PPP1R9A: variants seen among roughly 807,000 people sequenced by gnomAD.
The protein encoded by PPP1R9A is neurabin-1.
Under a neutral mutation model 141.9 loss-of-function variants are expected in PPP1R9A, and 59 were observed. The observed-to-expected ratio is 0.42, with a 90% CI of 0.34 to 0.52. PPP1R9A has a LOEUF of 0.52. Among genes scored for constraint, PPP1R9A ranks in the 20% least tolerant of loss-of-function variants. The pLI is 0.10. For synonymous variants in PPP1R9A, 500 were observed against 569.7 expected (o/e 0.88, Z 1.74); for missense variants, 1,444 against 1,611.9 (o/e 0.90, Z 1.78).
intron 5 of PPP1R9A, among the ~76,000 whole-genome samples, chr7:95,169,890 G>C (rs1422902253): frequency 2.0e-5 from 3 of 151,764 alleles, no homozygotes; most frequent in Admixed American, 6.6e-5. Context: ...GAAAATATGA[G>C]CCACAATCAG....
At chr7:95,004,125 A>C (rs556420135) in intron 2 of PPP1R9A, among the ~76,000 whole-genome samples, 3 of 152,116 alleles carry the variant, frequency 2.0e-5, no homozygotes, top group Admixed American at 2.0e-4. Flanking sequence ...AAAGTTGAGC[A>C]TCTCCTGCTT....
chr7:94,982,607 G>A (rs2151338095), intron 2 of PPP1R9A, among the ~76,000 whole-genome samples: 2 of 152,288 alleles, frequency 1.3e-5, no homozygotes, highest in Admixed American at 1.3e-4. Context: ...GTGTCTGTTG[G>A]CTGCATAAAT....
Position 95,250,007 on chromosome 7 carries a change from T to C in PPP1R9A, c.2167-19T>C. ...AAAAGTGGCCAAATTATCTTTGCCT[T>C]GACGTTTGCTTTCTCCAGCTGCAGG... On this transcript the variant is annotated intron_variant, in intron 9 of 19. Transcript: ENST00000433360. 6.4e-7 allele frequency: 1 copy of C among 1,566,784 alleles called. No individual in the cohort carries two copies. The highest frequency in any genetic ancestry group is 1.2e-5 in the South Asian group (1 of 82,492).
intron 4 of PPP1R9A, among the ~76,000 whole-genome samples, chr7:95,159,617 G>C (rs1196706312): frequency 6.6e-6 from 1 of 151,992 alleles, no homozygotes; most frequent in Non-Finnish European, 1.5e-5. Context: ...TCTGTAATGT[G>C]CTTCTTTAGA....
intron 2 of PPP1R9A, among the ~76,000 whole-genome samples, chr7:94,939,589 T>C (rs564770677): frequency 6.6e-6 from 1 of 152,158 alleles, no homozygotes; most frequent in South Asian, 2.1e-4. Context: ...TATAGTGCTT[T>C]AGTCAGCAAA....
In PPP1R9A at chr7:95,133,096, A is replaced by G. The variant is rs1371371192; in HGVS notation, c.1649+12264A>G. Among the ~76,000 whole-genome samples the G allele has an allele frequency of 2.0e-5, 3 of 152,178 alleles. No homozygotes were observed. The East Asian group carries it at 5.8e-4, about 29-fold the overall frequency. On this transcript the variant is annotated intron_variant, in intron 4 of 19. Transcript: ENST00000433360. ...GAGCGACAGAAGGAGATCTCTCAGC[A>G]GAGAAGGGACCCAAGAGCAGGTAGC...
At chr7:95,052,039 C>T (rs1034909096) in intron 2 of PPP1R9A, among the ~76,000 whole-genome samples, 8 of 151,806 alleles carry the variant, frequency 5.3e-5, no homozygotes, top group African/African-American at 1.7e-4. Context: ...GGGGTTTCGC[C>T]GAGTTGGCCA....
intron 2 of PPP1R9A, among the ~76,000 whole-genome samples, chr7:94,988,724 G>C (rs1801144015): frequency 6.6e-6 from 1 of 152,014 alleles, no homozygotes; most frequent in South Asian, 2.1e-4. Flanking sequence ...AAACCATTCT[G>C]TAGGTGTAAA....
chr7:95,284,156 G>T lies in PPP1R9A; in HGVS notation c.3435G>T (p.Ala1145=), dbSNP rs755003454. 2 of 1,589,398 alleles carry T rather than the reference G, an allele frequency of 1.3e-6. No homozygotes were observed. Among genetic ancestry groups the T allele is most frequent in the Admixed American group, 3.3e-5 (2 of 59,948 alleles). ...KGSYSFRNLP[A]PTSSLQPSPE... ...CCTATTCCTTCAGGAACCTGCCTGC[G>T]CCTACAAGTTCCCTTCAGCCTTCTC... The change falls in exon 17 of 20, where the codon GCG becomes GCT. Residue 1145 remains alanine (A), a synonymous_variant. Coordinates refer to ENST00000433360, the MANE Select transcript of PPP1R9A (RefSeq NM_001166160.2).
chr7:95,096,441 C>T (rs1818031437), intron 2 of PPP1R9A, among the ~76,000 whole-genome samples: 1 of 152,106 alleles, frequency 6.6e-6, no homozygotes, highest in African/African-American at 2.4e-5. Flanking sequence ...ACTGGCCCCC[C>T]TCACCAGGAT....
At chr7:95,036,898 A>G (rs1350831178) in intron 2 of PPP1R9A, 1 of 152,056 alleles carries the variant, frequency 6.6e-6, no homozygotes, top group Non-Finnish European at 1.5e-5. Flanking sequence ...ATTTCTCACC[A>G]CTCACACTCA....
chr7:95,033,755 T>C (rs952661644), intron 2 of PPP1R9A, among the ~76,000 whole-genome samples: 8 of 152,118 alleles, frequency 5.3e-5, no homozygotes, highest in African/African-American at 1.9e-4. Context: ...CTCAATATTG[T>C]CATTGAAAAG....
intron 2 of PPP1R9A, among the ~76,000 whole-genome samples, chr7:95,054,686 A>G (rs1333759958): frequency 6.6e-6 from 1 of 151,990 alleles, no homozygotes; most frequent in African/African-American, 2.4e-5. Context: ...CATCTTCCAC[A>G]TCTGACCTTT....
intron 2 of PPP1R9A, among the ~76,000 whole-genome samples, chr7:94,928,108 A>C (rs981623186): frequency 1.6e-4 from 25 of 152,186 alleles, no homozygotes; most frequent in African/African-American, 5.3e-4. Context: ...AGGACTTCTC[A>C]GAGGAAGTGA....
At chr7:95,022,757 T>G (rs1468672013) in intron 2 of PPP1R9A, among the ~76,000 whole-genome samples, 1 of 152,166 alleles carries the variant, frequency 6.6e-6, no homozygotes, top group East Asian at 1.9e-4. Flanking sequence ...TTTTCATTGG[T>G]TCTGTTTATG....
intron 2 of PPP1R9A, among the ~76,000 whole-genome samples, chr7:94,946,655 C>T (rs1423344520): frequency 2.0e-5 from 3 of 152,062 alleles, no homozygotes; most frequent in Non-Finnish European, 2.9e-5. Flanking sequence ...TATTGACTGT[C>T]AGACTTCAGG....
At chr7:95,063,209 A>C (rs1812481023) in intron 2 of PPP1R9A, among the ~76,000 whole-genome samples, 1 of 152,234 alleles carries the variant, frequency 6.6e-6, no homozygotes, top group Non-Finnish European at 1.5e-5. Flanking sequence ...ATTTATTGTA[A>C]GAATGTTTCA....
intron 2 of PPP1R9A, among the ~76,000 whole-genome samples, chr7:95,056,827 A>T (rs377117966): frequency 1.5e-4 from 23 of 152,248 alleles, no homozygotes; most frequent in East Asian, 9.6e-4. Flanking sequence ...AAAATGATTC[A>T]ATCTTAAAAA....
intron 2 of PPP1R9A, among the ~76,000 whole-genome samples, chr7:95,065,248 A>G (rs1467841754): frequency 1.3e-5 from 2 of 151,990 alleles, no homozygotes; most frequent in African/African-American, 2.4e-5. Flanking sequence ...AAAATTTTGC[A>G]TAGAGACATA....
Sources: gnomAD v4.1 joint callset for allele counts (sites outside exome capture counted in the v4.1 genomes callset) on GRCh38, gnomAD v4.1.1 for gene constraint, MANE v1.5 for transcripts, NCBI Gene and HGNC (gene_info 2026-07-23, HGNC 2026-07-21) for gene names.